Variants in FAM118B observed in about 807,000 individuals in gnomAD.
The protein encoded by FAM118B is SIR2 antiphage like 1.
FAM118B carries 24 observed loss-of-function variants against 38.5 expected under a neutral mutation model. That is an observed-to-expected ratio of 0.62 (90% confidence interval 0.45 to 0.88). The LOEUF is 0.88. Among genes scored for constraint, FAM118B ranks in the 40% least tolerant of loss-of-function variants. FAM118B has a pLI of 0.00. For missense variants in FAM118B, 334 were observed against 420.0 expected (o/e 0.80, Z 1.79); for synonymous variants, 138 against 156.3 (o/e 0.88, Z 0.87).
At position 126,241,190 on chromosome 11, in the gene FAM118B, T is replaced by C; in HGVS notation, c.339+146T>C. 3.6e-6 allele frequency: 3 copies of C among 842,704 alleles called. No homozygotes were observed. The South Asian group carries it at 5.9e-5, about 17-fold the overall frequency. 52.2% of individuals were successfully genotyped at this position (842,704 alleles called of 1,614,324 possible). A position where few individuals can be genotyped will look rare whatever the true frequency, so the allele number is the denominator to read the frequency against. On this transcript the variant is annotated intron_variant, in intron 4 of 8. Coordinates refer to ENST00000533050, the MANE Select transcript of FAM118B (RefSeq NM_024556.4). Reference sequence around the variant, plus strand: ...TGTAGGTTTCCATAACATTTGACTCTTCTGCGCAATGTCTGTTTATGGACC... The same window carrying C: ...TGTAGGTTTCCATAACATTTGACTCCTCTGCGCAATGTCTGTTTATGGACC...
intron 4 of FAM118B, among the ~76,000 whole-genome samples, chr11:126,246,165 A>G (rs1441175160): frequency 6.6e-6 from 1 of 152,166 alleles, no homozygotes; most frequent in Middle Eastern, 3.2e-3. Flanking sequence ...ATATTAAGAC[A>G]TTAATATTTT....
intron 1 of FAM118B, among the ~76,000 whole-genome samples, chr11:126,216,784 T>C (rs976361199): frequency 4.6e-5 from 7 of 152,230 alleles, no homozygotes; most frequent in Admixed American, 4.6e-4. Context: ...CAATCACCAA[T>C]AGGGCAGGCT....
intron 4 of FAM118B, among the ~76,000 whole-genome samples, chr11:126,245,804 C>T (rs1591520220): frequency 2.6e-5 from 4 of 152,252 alleles, no homozygotes; most frequent in Admixed American, 1.3e-4. Flanking sequence ...CGAGACCAGC[C>T]TGGCCAACAT....
chr11:126,245,967 G>C (rs1167922891), intron 4 of FAM118B, among the ~76,000 whole-genome samples: 3 of 150,476 alleles, frequency 2.0e-5, no homozygotes, highest in Non-Finnish European at 4.4e-5. Context: ...TTGCACTCCA[G>C]CCTGGGCAAC....
chr11:126,212,922 T>TG (rs951699638), intron 1 of FAM118B, among the ~76,000 whole-genome samples: 19 of 152,060 alleles, frequency 1.2e-4, no homozygotes, highest in African/African-American at 4.6e-4. Flanking sequence ...ATCTGGCAGT[T>TG]GAATGCAGGA....
At chr11:126,257,872 G>A (rs554327982) in intron 7 of FAM118B, among the ~76,000 whole-genome samples, 98 of 152,284 alleles carry the variant, frequency 6.4e-4, no homozygotes, top group African/African-American at 2.2e-3. Context: ...GCAAAATGGT[G>A]ATTAAAGATT....
intron 1 of FAM118B, among the ~76,000 whole-genome samples, chr11:126,223,710 A>G (rs906915810): frequency 6.6e-6 from 1 of 152,224 alleles, no homozygotes; most frequent in African/African-American, 2.4e-5. Context: ...GATGCCCTTG[A>G]ATCATTTGCC....
chr11:126,214,514 G>GTTTTTTTTTTTTTTTTTTTTT lies in FAM118B; in HGVS notation c.-77+2697_-77+2698insTTTTTTTTTTTTTTTTTTTTT, dbSNP rs71048770. 20 of 41,506 alleles carry GTTTTTTTTTTTTTTTTTTTTT rather than the reference G, an allele frequency of 4.8e-4. 1 individual carries two copies. The highest frequency in any genetic ancestry group is 3.5e-3 in the South Asian group (2 of 572). The allele number at this position is 41,506 out of a possible 1,614,324, so 2.6% of individuals were successfully genotyped here. A position where few individuals can be genotyped will look rare whatever the true frequency, so the allele number is the denominator to read the frequency against. The stretch of plus-strand genomic sequence containing the variant: ...TGTTTTTTTTTTTTGTTTTTTTTTT[G>GTTTTTTTTTTTTTTTTTTTTT]TTTTTTTTTTTTTACCTCTATATTG... On this transcript the variant is annotated intron_variant, in intron 1 of 8. Transcript: ENST00000533050.
At position 126,240,803 on chromosome 11, in the gene FAM118B, C is replaced by T. The variant is rs373486807; in HGVS notation, c.98C>T (p.Pro33Leu). 5.6e-6 allele frequency: 9 copies of T among 1,602,918 alleles called. No homozygotes were observed. The Admixed American group carries it at 7.0e-5, about 12-fold the overall frequency. Residue 33 changes from proline (P) to leucine (L), a missense_variant, in exon 4 of 9, where the codon CCA (proline) becomes CTA (leucine). Transcript: ENST00000533050. The stretch of plus-strand genomic sequence containing the variant: ...TTTTGCTTTTATAGGAAGCTGCTTC[C>T]AAGCTTAAAAACTAAGAAGCCTCGA... ...PPTKKPRKLLPSLKTKKPREL... is the reference protein window; with the variant it reads ...PPTKKPRKLLLSLKTKKPREL...
Position 126,244,370 on chromosome 11 carries a change from A to G in FAM118B, c.339+3326A>G, listed in dbSNP as rs1950395555. ...ATCCTCTATTAGAACTAACAAGCTTAGCAAGGTTGGAGAATCCGGGATCAA... is the reference window on the plus strand; with the variant it reads ...ATCCTCTATTAGAACTAACAAGCTTGGCAAGGTTGGAGAATCCGGGATCAA... On this transcript the variant is annotated intron_variant, in intron 4 of 8. Transcript: ENST00000533050. This position sits in a 1 kb window ranked among gnomAD's most constrained non-coding sequence, Gnocchi z 4.5. Among the ~76,000 whole-genome samples the G allele has an allele frequency of 6.6e-6, 1 of 152,272 alleles. No homozygotes were observed. The highest frequency in any genetic ancestry group is 2.4e-5 in the African/African-American group (1 of 41,482).
At chr11:126,222,007 A>G (rs555741925) in intron 1 of FAM118B, among the ~76,000 whole-genome samples, 20 of 152,274 alleles carry the variant, frequency 1.3e-4, no homozygotes, top group African/African-American at 4.1e-4. Context: ...TGTTTCTCCA[A>G]AGGTGTAGAC....
chr11:126,237,654 G>C (rs978139530), intron 3 of FAM118B, among the ~76,000 whole-genome samples: 1 of 132,700 alleles, frequency 7.5e-6, no homozygotes, highest in Non-Finnish European at 1.6e-5. Context: ...GGGTACCTGG[G>C]TAACATAGTG....
intron 1 of FAM118B, among the ~76,000 whole-genome samples, chr11:126,212,973 G>A (rs1205003650): frequency 6.6e-6 from 1 of 152,128 alleles, no homozygotes; most frequent in African/African-American, 2.4e-5. Flanking sequence ...GGAAGGAAAG[G>A]GTTTGATAGT....
At chr11:126,239,266 T>C (rs1950323620) in intron 3 of FAM118B, among the ~76,000 whole-genome samples, 3 of 152,248 alleles carry the variant, frequency 2.0e-5, no homozygotes, top group Admixed American at 2.0e-4. Flanking sequence ...CTTAGCCAAA[T>C]TGGAAGTCTT....
chr11:126,255,506 T>C lies in FAM118B; in HGVS notation c.697-1061T>C, dbSNP rs1040817821. Among the ~76,000 whole-genome samples the C allele has an allele frequency of 1.8e-4, 27 of 152,250 alleles. No individual in the cohort carries two copies. Among genetic ancestry groups the C allele is most frequent in the Admixed American group, 1.6e-3 (25 of 15,290 alleles). ...GTATATGTATACACACACACACACA[T>C]ACTGATGTTCTAAGTATCAAACGCC... On this transcript the variant is annotated intron_variant, in intron 6 of 8. Transcript: ENST00000533050. The surrounding 1 kb of genome is among the most constrained non-coding windows in gnomAD (Gnocchi z 4.6).
Position 126,256,915 on chromosome 11 carries a change from T to G in FAM118B, c.982+63T>G. On this transcript the variant is annotated intron_variant, in intron 7 of 8. Transcript: ENST00000533050. The surrounding 1 kb of genome is among the most constrained non-coding windows in gnomAD (Gnocchi z 6.6). The stretch of plus-strand genomic sequence containing the variant: ...AACAGCTCTTCAGCCTTTTGTGTAT[T>G]TGTGATGTGATGGGCAAAATAGTTG... 1 of 1,504,106 alleles carries G rather than the reference T, an allele frequency of 6.6e-7. No individual in the cohort carries two copies. Among genetic ancestry groups the G allele is most frequent in the South Asian group, 1.3e-5 (1 of 78,542 alleles). 93.2% of individuals were successfully genotyped at this position (1,504,106 alleles called of 1,614,324 possible). A position where few individuals can be genotyped will look rare whatever the true frequency, so the allele number is the denominator to read the frequency against.
rs1950493844 is a variant in FAM118B at position 126,250,808 on chromosome 11, G to C, written c.567+75G>C. 2.1e-5 allele frequency: 24 copies of C among 1,160,038 alleles called. No individual in the cohort carries two copies. Among genetic ancestry groups the C allele is most frequent in the Non-Finnish European group, 2.4e-5 (20 of 820,942 alleles). The allele number at this position is 1,160,038 out of a possible 1,614,324, so 71.9% of individuals were successfully genotyped here. A position where few individuals can be genotyped will look rare whatever the true frequency, so the allele number is the denominator to read the frequency against. On this transcript the variant is annotated intron_variant, in intron 5 of 8. Coordinates refer to ENST00000533050, the MANE Select transcript of FAM118B (RefSeq NM_024556.4). This position sits in a 1 kb window ranked among gnomAD's most constrained non-coding sequence, Gnocchi z 5.1. The stretch of plus-strand genomic sequence containing the variant: ...CCTCAGAAAAGCTCTTTTCTAGTTG[G>C]TATATTGGTATTTATGTAGAGCTAG...
At position 126,241,050 on chromosome 11, in the gene FAM118B, T is replaced by C; in HGVS notation, c.339+6T>C. 1 of 1,566,548 alleles carries C rather than the reference T, an allele frequency of 6.4e-7. No homozygotes were observed. The highest frequency in any genetic ancestry group is 8.6e-7 in the Non-Finnish European group (1 of 1,156,272). On this transcript the variant is annotated splice_donor_region_variant and intron_variant, in intron 4 of 8. Coordinates refer to ENST00000533050, the MANE Select transcript of FAM118B (RefSeq NM_024556.4). Reference sequence around the variant, plus strand: ...TTATCCAGAAACTCTCTCCTGTGAGTACCCTAGTATGTGCCACAGTATTTG... The same window carrying C: ...TTATCCAGAAACTCTCTCCTGTGAGCACCCTAGTATGTGCCACAGTATTTG...
At chr11:126,219,185 C>G (rs597828) in intron 1 of FAM118B, among the ~76,000 whole-genome samples, 28,174 of 151,702 alleles carry the variant, frequency 0.19, 2,733 homozygotes, top group South Asian at 0.22. Context: ...ATTTTAATAG[C>G]GTACTTTGAA....
Sources: gnomAD v4.1 joint callset for allele counts (sites outside exome capture counted in the v4.1 genomes callset) on GRCh38, gnomAD v4.1.1 for gene constraint, Gnocchi (gnomAD v3.1) non-coding constraint, MANE v1.5 for transcripts, NCBI Gene and HGNC (gene_info 2026-07-23, HGNC 2026-07-21) for gene names.